Variants in PTPRG observed in about 807,000 individuals in gnomAD.
PTPRG encodes protein tyrosine phosphatase receptor type G, also known as receptor-type tyrosine-protein phosphatase gamma.
A neutral mutation model predicts 165.3 loss-of-function variants in PTPRG; 102 were observed. The observed-to-expected ratio is 0.62, with a 90% CI of 0.53 to 0.73. The LOEUF (loss-of-function observed/expected upper bound fraction) is 0.73, where lower values mean the gene tolerates loss of function less well. Among genes scored for constraint, PTPRG ranks in the 30% least tolerant of loss-of-function variants. PTPRG has a pLI of 0.00. For missense variants in PTPRG, 1,866 were observed against 1,861.4 expected (o/e 1.00, Z -0.05); for synonymous variants, 675 against 669.5 (o/e 1.01, Z -0.13).
chr3:61,697,182 T>C (rs2030653317), intron 1 of PTPRG, among the ~76,000 whole-genome samples: 1 of 152,162 alleles, frequency 6.6e-6, no homozygotes, highest in African/African-American at 2.4e-5. Context: ...AGACCCTCAT[T>C]CCAGAGGCGC....
At chr3:61,992,685 C>A (rs1305385362) in intron 3 of PTPRG, among the ~76,000 whole-genome samples, 1 of 152,164 alleles carries the variant, frequency 6.6e-6, no homozygotes, top group Admixed American at 6.5e-5. Context: ...CCACCCCTGG[C>A]TAATTTCTGT....
intron 2 of PTPRG, among the ~76,000 whole-genome samples, chr3:61,797,923 A>G (rs376043489): frequency 4.5e-4 from 68 of 152,164 alleles, no homozygotes; most frequent in Middle Eastern, 3.4e-3. Flanking sequence ...AAAAAACAAG[A>G]AGGATGAGGA....
intron 4 of PTPRG, among the ~76,000 whole-genome samples, chr3:62,044,194 G>T (rs946389508): frequency 2.0e-4 from 31 of 152,210 alleles, no homozygotes; most frequent in African/African-American, 7.0e-4. Context: ...TACTAACTGA[G>T]CACTACTGAG....
chr3:61,868,448 T>C (rs996169438), intron 2 of PTPRG, among the ~76,000 whole-genome samples: 1 of 152,198 alleles, frequency 6.6e-6, no homozygotes, highest in African/African-American at 2.4e-5. Context: ...CTCCCTGGCC[T>C]CTCTGCTGCC....
intron 14 of PTPRG, 90 bp downstream of exon 14, chr3:62,231,401 C>A: frequency 9.8e-7 from 1 of 1,020,804 alleles, no homozygotes; most frequent in Non-Finnish European, 1.4e-6. Flanking sequence ...GGATTGAAGT[C>A]TTGTAGATGG....
At chr3:61,625,191 C>A (rs905531071) in intron 1 of PTPRG, among the ~76,000 whole-genome samples, 5 of 151,712 alleles carry the variant, frequency 3.3e-5, no homozygotes, top group African/African-American at 7.3e-5. Context: ...TTCGGAGATA[C>A]TAGATGGGGT....
chr3:62,177,651 G>T (rs960543262), intron 8 of PTPRG, among the ~76,000 whole-genome samples: 3 of 151,990 alleles, frequency 2.0e-5, no homozygotes, highest in Non-Finnish European at 4.4e-5. Flanking sequence ...CCTTCCCTTG[G>T]CATCCTACAC....
intron 1 of PTPRG, among the ~76,000 whole-genome samples, chr3:61,651,148 TA>T (rs1702343371): frequency 6.6e-6 from 1 of 151,254 alleles, no homozygotes. Context: ...TTTTTTTTTT[TA>T]AAGGAAAAAC....
intron 5 of PTPRG, among the ~76,000 whole-genome samples, chr3:62,126,614 G>T (rs780061451): frequency 3.9e-5 from 6 of 152,266 alleles, no homozygotes; most frequent in Non-Finnish European, 7.4e-5. Flanking sequence ...CTTCAGTCAG[G>T]GGCACTTCTG....
At chr3:61,720,673 A>G (rs1394634929) in intron 1 of PTPRG, among the ~76,000 whole-genome samples, 2 of 152,182 alleles carry the variant, frequency 1.3e-5, no homozygotes, top group Non-Finnish European at 2.9e-5. Flanking sequence ...AGTTTATTTC[A>G]CTGCTGTATG....
At chr3:61,970,090 T>C (rs2040350287) in intron 2 of PTPRG, among the ~76,000 whole-genome samples, 1 of 152,004 alleles carries the variant, frequency 6.6e-6, no homozygotes, top group Non-Finnish European at 1.5e-5. Context: ...ATAAATATTC[T>C]TAAGCAAGGT....
At chr3:62,156,289 T>TCA (rs745621509) in intron 6 of PTPRG, among the ~76,000 whole-genome samples, 22 of 152,162 alleles carry the variant, frequency 1.4e-4, no homozygotes, top group Admixed American at 5.2e-4. Context: ...ACACCTGGAT[T>TCA]CACATCCTGG....
intron 4 of PTPRG, among the ~76,000 whole-genome samples, chr3:62,044,023 A>G (rs991098938): frequency 4.6e-5 from 7 of 152,214 alleles, no homozygotes; most frequent in Admixed American, 6.5e-5. Context: ...TTTGCTCCCA[A>G]TGATAATGGA....
chr3:61,804,603 A>G (rs944505243), intron 2 of PTPRG, among the ~76,000 whole-genome samples: 6 of 151,402 alleles, frequency 4.0e-5, no homozygotes, highest in African/African-American at 1.5e-4. Flanking sequence ...CTGATTGTTA[A>G]CTTCACTTGG....
chr3:61,907,445 C>T (rs2038684370), intron 2 of PTPRG, among the ~76,000 whole-genome samples: 6 of 152,184 alleles, frequency 3.9e-5, no homozygotes, highest in Admixed American at 2.6e-4. Context: ...AAGCTGCCTC[C>T]ATCAGTCATG....
chr3:61,666,586 A>G (rs1007273988), intron 1 of PTPRG, among the ~76,000 whole-genome samples: 1 of 152,148 alleles, frequency 6.6e-6, no homozygotes, highest in African/African-American at 2.4e-5. Flanking sequence ...GATGATAAAC[A>G]CCAGGTACCT....
At chr3:61,640,969 G>A (rs548440023) in intron 1 of PTPRG, among the ~76,000 whole-genome samples, 87 of 152,234 alleles carry the variant, frequency 5.7e-4, no homozygotes, top group African/African-American at 2.1e-3. Context: ...TGCCTCTGAG[G>A]AACTTGGTGT....
chr3:61,710,107 G>A (rs1273556883), intron 1 of PTPRG, among the ~76,000 whole-genome samples: 4 of 152,152 alleles, frequency 2.6e-5, no homozygotes, highest in South Asian at 2.1e-4. Flanking sequence ...TGAGCCATAG[G>A]TTTGTTGCCT....
intron 1 of PTPRG, among the ~76,000 whole-genome samples, chr3:61,635,709 G>T (rs1701891112): frequency 6.6e-6 from 1 of 152,064 alleles, no homozygotes; most frequent in Non-Finnish European, 1.5e-5. Flanking sequence ...TTGAGTCTTA[G>T]GCTGATTGCT....
Sources: allele counts gnomAD v4.1 joint callset (sites outside exome capture counted in the v4.1 genomes callset), GRCh38; gene constraint gnomAD v4.1.1; transcripts MANE v1.5; gene names NCBI Gene and HGNC (gene_info 2026-07-23, HGNC 2026-07-21).